ROBO2: variants seen among roughly 807,000 people sequenced by gnomAD.
ROBO2 encodes the protein roundabout homolog 2.
Under a neutral mutation model 160.8 loss-of-function variants are expected in ROBO2, and 53 were observed. That is an observed-to-expected ratio of 0.33 (90% CI 0.26 to 0.41). The LOEUF (loss-of-function observed/expected upper bound fraction) is 0.41. ROBO2 is among the 10% of genes least tolerant of loss of function. The pLI is 1.00. For synonymous variants in ROBO2, 664 were observed against 611.7 expected (o/e 1.09, Z -1.26); for missense variants, 1,577 against 1,722.4 (o/e 0.92, Z 1.49).
In ROBO2 at chr3:76,023,658, A is replaced by G. The variant is rs1285675164; in HGVS notation, c.109+86056A>G. Among the ~76,000 whole-genome samples the G allele has an allele frequency of 3.3e-5, 5 of 151,564 alleles. No individual in the cohort carries two copies. In the East Asian group the frequency reaches 5.8e-4, roughly 18 times the overall value. On this transcript the variant is annotated intron_variant, in intron 2 of 26. Transcript: ENST00000487694. ...TCGTTGATCACAGATAACTATAACT[A>G]TATATATAACCATAACTATAAATAT...
At chr3:76,768,425 G>A (rs555156814) in intron 2 of ROBO2, among the ~76,000 whole-genome samples, 186 of 151,304 alleles carry the variant, frequency 1.2e-3, no homozygotes, top group African/African-American at 4.2e-3. Flanking sequence ...TCTTGATTTC[G>A]TCTCATGATG....
intron 2 of ROBO2, among the ~76,000 whole-genome samples, chr3:76,992,559 A>C (rs747902828): frequency 2.4e-4 from 37 of 151,848 alleles, no homozygotes; most frequent in Non-Finnish European, 3.8e-4. Context: ...GTGAGAAAAA[A>C]AATCATGCAC....
intron 2 of ROBO2, among the ~76,000 whole-genome samples, chr3:76,544,184 T>C (rs1405161169): frequency 1.3e-5 from 2 of 152,012 alleles, no homozygotes; most frequent in Non-Finnish European, 2.9e-5. Context: ...CAGTAGCTGT[T>C]TACCAACATC....
intron 2 of ROBO2, among the ~76,000 whole-genome samples, chr3:77,152,190 G>A (rs935166325): frequency 6.6e-6 from 1 of 151,942 alleles, no homozygotes; most frequent in African/African-American, 2.4e-5. Flanking sequence ...CTTATTTACA[G>A]TTTGCTGGTA....
intron 2 of ROBO2, among the ~76,000 whole-genome samples, chr3:76,344,251 T>A (rs537912433): frequency 1.5e-3 from 228 of 152,284 alleles, no homozygotes; most frequent in Middle Eastern, 0.014. Context: ...TATTCAAGGG[T>A]ATTTACACTT....
chr3:77,491,408 G>A (rs756325970), intron 4 of ROBO2, among the ~76,000 whole-genome samples: 18 of 152,036 alleles, frequency 1.2e-4, no homozygotes, highest in Non-Finnish European at 2.1e-4. Context: ...GAATAGCTGC[G>A]CCTGATAGCA....
At chr3:77,640,096 CATTTTTTTTTTTTTT>C (rs2095325638) in intron 24 of ROBO2, among the ~76,000 whole-genome samples, 1 of 97,480 alleles carries the variant, frequency 1.0e-5, no homozygotes. Context: ...GCAGAGGAAG[CATTTTTTTTTTTTTT>C]TTTTTTTTTT....
chr3:76,304,441 G>A (rs1348903687), intron 2 of ROBO2, among the ~76,000 whole-genome samples: 1 of 152,206 alleles, frequency 6.6e-6, no homozygotes. Context: ...ATCTATATAT[G>A]TAATAGTGAA....
At chr3:77,188,627 C>A (rs1419023124) in intron 2 of ROBO2, among the ~76,000 whole-genome samples, 1 of 151,786 alleles carries the variant, frequency 6.6e-6, no homozygotes, top group Non-Finnish European at 1.5e-5. Flanking sequence ...AAAATACACC[C>A]TTTTCAGGAT....
At chr3:75,966,470 A>G (rs1190286928) in intron 2 of ROBO2, among the ~76,000 whole-genome samples, 1 of 151,730 alleles carries the variant, frequency 6.6e-6, no homozygotes, top group African/African-American at 2.4e-5. Flanking sequence ...GGGCTTCCAT[A>G]CAGACTTTAT....
At chr3:77,621,081 T>C (rs1246347395) in intron 22 of ROBO2, among the ~76,000 whole-genome samples, 1 of 147,936 alleles carries the variant, frequency 6.8e-6, no homozygotes, top group Non-Finnish European at 1.5e-5. Flanking sequence ...CTTTGTTAGC[T>C]ACCTGATTTG....
chr3:76,829,427 A>G lies in ROBO2; in HGVS notation c.110-268587A>G, dbSNP rs539160826. On this transcript the variant is annotated intron_variant, in intron 2 of 26. Coordinates refer to the ROBO2 transcript ENST00000487694. ...AAACCACCATGGCACGTGTATACCT[A>G]TGTAATAAACCTGCACATTCTGCAC... Among the ~76,000 whole-genome samples the G allele has an allele frequency of 3.3e-5, 5 of 152,218 alleles. No individual in the cohort carries two copies. In the East Asian group the frequency reaches 9.7e-4, roughly 29 times the overall value.
intron 2 of ROBO2, among the ~76,000 whole-genome samples, chr3:76,695,346 A>T (rs190011770): frequency 2.3e-4 from 35 of 152,212 alleles, no homozygotes; most frequent in African/African-American, 8.4e-4. Context: ...AGATAAACAC[A>T]CTAAAATTGT....
intron 2 of ROBO2, among the ~76,000 whole-genome samples, chr3:76,962,811 T>C (rs1167852273): frequency 6.6e-6 from 1 of 152,030 alleles, no homozygotes; most frequent in Non-Finnish European, 1.5e-5. Context: ...GTCTAAAAAA[T>C]AAATCAATAA....
At chr3:76,331,077 T>C (rs1481261458) in intron 2 of ROBO2, among the ~76,000 whole-genome samples, 2 of 152,224 alleles carry the variant, frequency 1.3e-5, no homozygotes, top group Non-Finnish European at 2.9e-5. Flanking sequence ...CCACTTCGAA[T>C]GGAATAACTA....
At chr3:76,489,760 G>T (rs1449202536) in intron 2 of ROBO2, among the ~76,000 whole-genome samples, 1 of 151,788 alleles carries the variant, frequency 6.6e-6, no homozygotes, top group East Asian at 1.9e-4. Context: ...GCTGCCAAAA[G>T]TACATAAAGA....
At chr3:76,223,491 G>A (rs1416238530) in intron 2 of ROBO2, among the ~76,000 whole-genome samples, 1 of 152,020 alleles carries the variant, frequency 6.6e-6, no homozygotes, top group Non-Finnish European at 1.5e-5. Context: ...CACTGGCGAA[G>A]AAGACTCATC....
At chr3:77,084,803 G>A (rs1377229746) in intron 1 of ROBO2, among the ~76,000 whole-genome samples, 2 of 152,044 alleles carry the variant, frequency 1.3e-5, no homozygotes, top group Non-Finnish European at 2.9e-5. Flanking sequence ...CATAATTCAA[G>A]CAGAAAAAGA....
At chr3:77,276,811 A>G (rs2059859394) in intron 2 of ROBO2, among the ~76,000 whole-genome samples, 1 of 152,162 alleles carries the variant, frequency 6.6e-6, no homozygotes, top group Non-Finnish European at 1.5e-5. Flanking sequence ...AGACCTCACA[A>G]TCATGGCAGA....
Sources: allele counts gnomAD v4.1 joint callset (sites outside exome capture counted in the v4.1 genomes callset), GRCh38; gene constraint gnomAD v4.1.1; transcripts MANE v1.5; gene names NCBI Gene and HGNC (gene_info 2026-07-23, HGNC 2026-07-21).